The following FAT3 variants were observed in gnomAD, a reference collection of about 807,000 sequenced individuals.
FAT3 encodes the protein FAT atypical cadherin 3, also known as protocadherin Fat 3.
In FAT3, 95 loss-of-function variants were observed where a neutral mutation model predicts 310.2. The observed-to-expected ratio is 0.31, with a 90% confidence interval of 0.26 to 0.36. The LOEUF is 0.36. FAT3 is among the 10% of genes least tolerant of loss of function. The pLI, the probability that FAT3 is intolerant of heterozygous loss-of-function variation, is 1.00. For missense variants in FAT3, 5,408 were observed against 5,715.6 expected, an observed-to-expected ratio of 0.95 and a Z score of 1.74; for synonymous variants, 2,314 against 2,192.9, an observed-to-expected ratio of 1.06 and a Z score of -1.54.
rs1949953564 is a variant in FAT3 at position 92,893,165 on chromosome 11, A to C, written c.*2052A>C. On this transcript the variant is annotated 3_prime_UTR_variant, in exon 28 of 28. Coordinates refer to ENST00000525166, the MANE Select transcript of FAT3 (RefSeq NM_001367949.2). ...TGTTTCTGAATGTTTATGCAAAAAA[A>C]AAAATCCTTTTTCATTCCCAAACTT... The C allele has an allele frequency of 6.6e-6, 1 of 152,084 alleles. No homozygotes were observed. Among genetic ancestry groups the C allele is most frequent in the Admixed American group, 6.6e-5 (1 of 15,264 alleles). 9.4% of individuals were successfully genotyped at this position (152,084 alleles called of 1,614,324 possible).
At chr11:92,849,990 C>T (rs1300781347) in intron 19 of FAT3, among the ~76,000 whole-genome samples, 1 of 152,134 alleles carries the variant, frequency 6.6e-6, no homozygotes, top group Non-Finnish European at 1.5e-5. Flanking sequence ...GACAGGTGGC[C>T]ACTGCACTTC....
At chr11:92,560,853 T>C (rs1955200388) in intron 3 of FAT3, among the ~76,000 whole-genome samples, 1 of 152,196 alleles carries the variant, frequency 6.6e-6, no homozygotes, top group Admixed American at 6.5e-5. Context: ...TTTTATCTGA[T>C]CCTATACTTC....
intron 7 of FAT3, among the ~76,000 whole-genome samples, chr11:92,789,361 AT>A (rs1347867805): frequency 6.6e-6 from 1 of 152,230 alleles, no homozygotes; most frequent in Non-Finnish European, 1.5e-5. Flanking sequence ...AAAATGCTTT[AT>A]GAAAGAAAAC....
chr11:92,834,353 C>T (rs185697821), intron 14 of FAT3, among the ~76,000 whole-genome samples: 15 of 152,266 alleles, frequency 9.9e-5, no homozygotes, highest in Non-Finnish European at 1.5e-4. Context: ...GATCTTTGCC[C>T]TCTTTGTGCC....
At chr11:92,772,436 T>C (rs748693928) in intron 6 of FAT3, among the ~76,000 whole-genome samples, 31 of 152,126 alleles carry the variant, frequency 2.0e-4, no homozygotes, top group Non-Finnish European at 4.1e-4. Flanking sequence ...TTTCATGTTG[T>C]TATCAACATG....
intron 19 of FAT3, among the ~76,000 whole-genome samples, chr11:92,856,733 T>C (rs531131999): frequency 1.7e-4 from 26 of 152,300 alleles, no homozygotes; most frequent in African/African-American, 6.3e-4. Context: ...TACTTTTCTT[T>C]AGAAATGTCT....
chr11:92,894,923 T>A lies in FAT3; in HGVS notation c.*3810T>A, dbSNP rs1591872105. ...TATCTACCATCAGTCCTCTCCTACT[T>A]ACTTCCCACCCCACCCTATCCACTA... On this transcript the variant is annotated 3_prime_UTR_variant, in exon 28 of 28. Transcript: ENST00000525166. 1 of 152,184 alleles carries A rather than the reference T, an allele frequency of 6.6e-6. No individual in the cohort carries two copies. The highest frequency in any genetic ancestry group is 1.5e-5 in the Non-Finnish European group (1 of 68,030). The allele number at this position is 152,184 out of a possible 1,614,324, so 9.4% of individuals were successfully genotyped here. A position where few individuals can be genotyped will look rare whatever the true frequency, so the allele number is the denominator to read the frequency against.
chr11:92,485,695 A>G (rs1952359954), intron 2 of FAT3, among the ~76,000 whole-genome samples: 1 of 152,176 alleles, frequency 6.6e-6, no homozygotes, highest in South Asian at 2.1e-4. Flanking sequence ...TATACACTAA[A>G]TACCATAAGT....
At chr11:92,731,641 A>G (rs777489450) in intron 4 of FAT3, among the ~76,000 whole-genome samples, 19 of 151,854 alleles carry the variant, frequency 1.3e-4, no homozygotes, top group South Asian at 6.2e-4. Flanking sequence ...TAGGATAATG[A>G]TAGTGTCTTA....
intron 6 of FAT3, among the ~76,000 whole-genome samples, chr11:92,767,340 G>C (rs1591706732): frequency 1.3e-5 from 2 of 151,550 alleles, no homozygotes; most frequent in Non-Finnish European, 1.5e-5. Flanking sequence ...GATTAGATGA[G>C]TTGCCCTTTC....
At chr11:92,586,317 C>T (rs1939154126) in intron 3 of FAT3, among the ~76,000 whole-genome samples, 4 of 151,916 alleles carry the variant, frequency 2.6e-5, no homozygotes, top group South Asian at 2.1e-4. Context: ...AATGAGTATA[C>T]CTATAGCACA....
chr11:92,637,364 G>A (rs56754425), intron 3 of FAT3, among the ~76,000 whole-genome samples: 2,142 of 152,246 alleles, frequency 0.014, 68 homozygotes, highest in African/African-American at 0.049. Flanking sequence ...GCTCAAAAGA[G>A]AGAATGGCTA....
At chr11:92,496,968 G>T (rs1018461681) in intron 2 of FAT3, among the ~76,000 whole-genome samples, 1 of 151,952 alleles carries the variant, frequency 6.6e-6, no homozygotes, top group African/African-American at 2.4e-5. Flanking sequence ...TCACAATGAT[G>T]ACTTCAACAC....
chr11:92,689,531 A>G (rs1268915331), intron 3 of FAT3, among the ~76,000 whole-genome samples: 1 of 152,210 alleles, frequency 6.6e-6, no homozygotes, highest in Non-Finnish European at 1.5e-5. Flanking sequence ...AATAGCCTAG[A>G]GACTTCTTCA....
chr11:92,364,465 G>C (rs546662185), intron 2 of FAT3, among the ~76,000 whole-genome samples: 1 of 152,254 alleles, frequency 6.6e-6, no homozygotes, highest in African/African-American at 2.4e-5. Flanking sequence ...TCTAAGAATA[G>C]TTTTCTGCTA....
chr11:92,595,559 TTTGA>T (rs1294323650), intron 3 of FAT3, among the ~76,000 whole-genome samples: 2 of 152,210 alleles, frequency 1.3e-5, no homozygotes, highest in East Asian at 3.9e-4. Flanking sequence ...TTGGTCTTTC[TTTGA>T]TTGGTCTATG....
intron 3 of FAT3, among the ~76,000 whole-genome samples, chr11:92,606,003 T>G (rs1565451666): frequency 6.6e-6 from 1 of 152,142 alleles, no homozygotes; most frequent in Non-Finnish European, 1.5e-5. Context: ...CAAAAACTCA[T>G]GTTCTCTCCT....
intron 3 of FAT3, among the ~76,000 whole-genome samples, chr11:92,615,977 T>A (rs953413092): frequency 1.3e-5 from 2 of 152,232 alleles, no homozygotes; most frequent in Non-Finnish European, 2.9e-5. Context: ...GAGAGTTCTG[T>A]AGATGTCTAT....
At chr11:92,228,543 C>T (rs989549645) in intron 1 of FAT3, among the ~76,000 whole-genome samples, 1 of 152,186 alleles carries the variant, frequency 6.6e-6, no homozygotes, top group Non-Finnish European at 1.5e-5. Context: ...CTTCTTCATA[C>T]GATCCTGAAT....
Sources: allele counts gnomAD v4.1 joint callset (sites outside exome capture counted in the v4.1 genomes callset), GRCh38; gene constraint gnomAD v4.1.1; transcripts MANE v1.5; gene names NCBI Gene and HGNC (gene_info 2026-07-23, HGNC 2026-07-21).